BET1: variants seen among roughly 807,000 people sequenced by gnomAD.
The protein encoded by BET1 is Bet1 golgi vesicular membrane trafficking protein.
Under a neutral mutation model 13.9 loss-of-function variants are expected in BET1, and 9 were observed. That is an observed-to-expected ratio of 0.65 (90% confidence interval 0.39 to 1.13). The LOEUF (loss-of-function observed/expected upper bound fraction) is 1.13. Among genes scored for constraint, BET1 ranks in the 50% most tolerant of loss-of-function variants. The pLI, the probability that BET1 is intolerant of heterozygous loss-of-function variation, is 0.01. For missense variants in BET1, 127 were observed against 133.6 expected (o/e 0.95, Z 0.24); for synonymous variants, 39 against 47.3 (o/e 0.82, Z 0.72).
At chr7:93,982,384 T>C (rs1292005957) in intron 4 of BET1, among the ~76,000 whole-genome samples, 2 of 152,170 alleles carry the variant, frequency 1.3e-5, no homozygotes, top group East Asian at 3.9e-4. Context: ...CAAATTTACC[T>C]ATCTGGGTGT....
At chr7:93,986,927 T>C (rs1795537185) in intron 4 of BET1, among the ~76,000 whole-genome samples, 2 of 152,156 alleles carry the variant, frequency 1.3e-5, no homozygotes, top group Non-Finnish European at 2.9e-5. Flanking sequence ...GTACATGCTA[T>C]ACAGGTTTGT....
intron 2 of BET1, among the ~76,000 whole-genome samples, chr7:93,997,173 A>G (rs1367123053): frequency 6.6e-6 from 1 of 152,150 alleles, no homozygotes; most frequent in African/African-American, 2.4e-5. Context: ...AGATATTTAA[A>G]TAAATAGAAT....
At chr7:93,976,013 C>T in exon 5 of BET1, 1 of 1,281,212 alleles carries the variant, frequency 7.8e-7, no homozygotes, top group Non-Finnish European at 1.0e-6. Context: ...TCTTTTTAAG[C>T]TTCTGGACAA....
intron 4 of BET1, among the ~76,000 whole-genome samples, chr7:93,979,616 G>A (rs1795393902): frequency 6.6e-6 from 1 of 151,974 alleles, no homozygotes; most frequent in South Asian, 2.1e-4. Flanking sequence ...CAGCAAGCAT[G>A]AGACCGGCAC....
At chr7:93,989,946 C>A (rs905725660), downstream of BET1, among the ~76,000 whole-genome samples, 1 of 152,064 alleles carries the variant, frequency 6.6e-6, no homozygotes, top group African/African-American at 2.4e-5. Flanking sequence ...AGAAGATAAT[C>A]CATTAATTAT....
chr7:93,985,486 T>C (rs1380929290), intron 4 of BET1, among the ~76,000 whole-genome samples: 1 of 152,206 alleles, frequency 6.6e-6, no homozygotes, highest in African/African-American at 2.4e-5. Flanking sequence ...ATCTGTGTGA[T>C]GCTGGTATAT....
intron 3 of BET1, among the ~76,000 whole-genome samples, chr7:93,995,183 C>G (rs575385922): frequency 2.7e-4 from 41 of 152,166 alleles, no homozygotes; most frequent in African/African-American, 9.6e-4. Context: ...GTTTAGACAG[C>G]TGACTTTGAA....
chr7:93,973,609 C>T (rs147318881), intron 5 of BET1, among the ~76,000 whole-genome samples: 63 of 151,984 alleles, frequency 4.1e-4, no homozygotes, highest in African/African-American at 1.5e-3. Flanking sequence ...TTTTAAAAAC[C>T]TAGTGACTAC....
chr7:93,985,955 G>T (rs544301735), intron 4 of BET1, among the ~76,000 whole-genome samples: 72 of 152,248 alleles, frequency 4.7e-4, no homozygotes, highest in African/African-American at 1.5e-3. Context: ...GACCACAGTG[G>T]TCCTCCTGTG....
chr7:93,991,811 T>C (rs944537741), downstream of BET1: 4 of 968,130 alleles, frequency 4.1e-6, no homozygotes, highest in Non-Finnish European at 3.7e-6. Context: ...TTCATCAGTA[T>C]AGAATGATGA....
chr7:94,004,149 C>A (rs1362440111), intron 1 of BET1, 49 bp downstream of exon 1: 9 of 1,613,762 alleles, frequency 5.6e-6, no homozygotes, highest in Non-Finnish European at 7.6e-6. Flanking sequence ...CGCGCCCCAG[C>A]GCTCCCGGTT....
intron 2 of BET1, among the ~76,000 whole-genome samples, chr7:93,998,901 G>C (rs1036072621): frequency 6.6e-6 from 1 of 151,990 alleles, no homozygotes; most frequent in Non-Finnish European, 1.5e-5. Context: ...GGACAGCTCT[G>C]TTTGAGACAT....
At chr7:93,987,130 T>G (rs1477059943) in intron 4 of BET1, 1 of 152,192 alleles carries the variant, frequency 6.6e-6, no homozygotes, top group African/African-American at 2.4e-5. Flanking sequence ...TTTTTTGTTT[T>G]TTTAATCTAG....
chr7:93,997,088 C>T (rs1795787614), intron 2 of BET1, among the ~76,000 whole-genome samples: 1 of 152,002 alleles, frequency 6.6e-6, no homozygotes, highest in South Asian at 2.1e-4. Context: ...AATACTATAG[C>T]TAATTATGAC....
chr7:93,986,431 T>C (rs1795528693), intron 4 of BET1, among the ~76,000 whole-genome samples: 5 of 152,186 alleles, frequency 3.3e-5, no homozygotes, highest in Admixed American at 3.3e-4. Flanking sequence ...TTCCCTTATA[T>C]CAGCATAACA....
intron 1 of BET1, among the ~76,000 whole-genome samples, chr7:94,003,592 C>G (rs115583656): frequency 6.6e-6 from 1 of 152,106 alleles, no homozygotes; most frequent in Non-Finnish European, 1.5e-5. Flanking sequence ...GTTTCCTAAC[C>G]CCAAAGGTAA....
chr7:93,969,141 C>T (rs941813033), intron 6 of BET1, among the ~76,000 whole-genome samples: 1 of 151,842 alleles, frequency 6.6e-6, no homozygotes, highest in Non-Finnish European at 1.5e-5. Flanking sequence ...TGCCCAATGA[C>T]TTTGCCCTTC....
intron 2 of BET1, among the ~76,000 whole-genome samples, chr7:93,997,979 AG>A (rs1795808634): frequency 6.6e-6 from 1 of 152,130 alleles, no homozygotes; most frequent in African/African-American, 2.4e-5. Context: ...ATCAGGTAAA[AG>A]TTTGGAGGGA....
chr7:93,985,133 T>C lies in BET1; in HGVS notation c.236-9033A>G, dbSNP rs893890111. Reference sequence around the variant, plus strand: ...CCCACACTGTCTCTGCTACCTTCCCTAACCATGCTCCCAACTCCAGAAAGT... The same window carrying C: ...CCCACACTGTCTCTGCTACCTTCCCCAACCATGCTCCCAACTCCAGAAAGT... On this transcript the variant is annotated intron_variant and NMD_transcript_variant, in intron 4 of 6. Transcript: ENST00000357520. 2.0e-5 allele frequency among the ~76,000 whole-genome samples: 3 copies of C among 152,154 alleles called. 1 individual carries two copies. The South Asian group carries it at 6.2e-4, about 32-fold the overall frequency.
Sources: allele counts gnomAD v4.1 joint callset (sites outside exome capture counted in the v4.1 genomes callset), GRCh38; gene constraint gnomAD v4.1.1; transcripts MANE v1.5; gene names NCBI Gene and HGNC (gene_info 2026-07-23, HGNC 2026-07-21).